Variants in LRRC49 observed in about 807,000 individuals in gnomAD.
The protein encoded by LRRC49 is leucine-rich repeat-containing protein 49.
A neutral mutation model predicts 83.3 loss-of-function variants in LRRC49; 50 were observed. The observed-to-expected ratio is 0.60, with a 90% CI of 0.48 to 0.76. The LOEUF is 0.76. Among genes scored for constraint, LRRC49 ranks in the 30% least tolerant of loss-of-function variants. The probability of loss-of-function intolerance (pLI) is 0.00; values close to 1 mark genes in which losing one functional copy is unlikely to be tolerated. For synonymous variants in LRRC49, 286 were observed against 283.3 expected (o/e 1.01, Z -0.10); for missense variants, 704 against 809.1 (o/e 0.87, Z 1.58).
intron 7 of LRRC49, among the ~76,000 whole-genome samples, chr15:70,934,790 G>T (rs935585115): frequency 1.3e-5 from 2 of 152,126 alleles, no homozygotes; most frequent in Admixed American, 6.6e-5. Context: ...ATTTTTAAAG[G>T]CTGCTACCTC....
intron 6 of LRRC49, 199 bp from the exon 7 acceptor site, chr15:70,918,851 G>C (rs1010020745): frequency 4.3e-6 from 2 of 470,304 alleles, no homozygotes; most frequent in Admixed American, 3.8e-5. Context: ...TGTAAAATAT[G>C]ATCTTTTAGC....
chr15:70,908,372 G>A (rs1321968448), intron 5 of LRRC49, among the ~76,000 whole-genome samples: 2 of 152,172 alleles, frequency 1.3e-5, no homozygotes, highest in Non-Finnish European at 2.9e-5. Flanking sequence ...TTGGAGACTA[G>A]GATTGTCAAG....
chr15:70,936,733 T>G, intron 7 of LRRC49, 28 bp from the exon 8 acceptor site: 1 of 1,464,208 alleles, frequency 6.8e-7, no homozygotes, highest in Non-Finnish European at 9.6e-7. Context: ...TTTCATCTGA[T>G]TAAGTTTTGC....
chr15:70,994,270 A>G (rs2038001407), intron 11 of LRRC49, among the ~76,000 whole-genome samples: 1 of 152,150 alleles, frequency 6.6e-6, no homozygotes, highest in South Asian at 2.1e-4. Context: ...TGCCATCTTT[A>G]TCTCATGTTA....
chr15:70,936,514 A>G (rs2035602452), intron 7 of LRRC49: 1 of 384,004 alleles, frequency 2.6e-6, no homozygotes, highest in Non-Finnish European at 4.6e-6. Flanking sequence ...GGCTAGCGGC[A>G]GCGTCTCTCC....
chr15:71,043,088 A>C (rs535965833), intron 15 of LRRC49, among the ~76,000 whole-genome samples: 2 of 152,184 alleles, frequency 1.3e-5, no homozygotes, highest in African/African-American at 4.8e-5. Flanking sequence ...TTATATGTGC[A>C]TGCCATCTCC....
chr15:70,892,736 G>C, upstream of LRRC49: 2 of 1,516,546 alleles, frequency 1.3e-6, no homozygotes, highest in Non-Finnish European at 1.8e-6. Context: ...CGACTGTGTG[G>C]CTCTATCGAT....
chr15:70,894,787 G>T, intron 2 of LRRC49: 1 of 267,902 alleles, frequency 3.7e-6, no homozygotes, highest in South Asian at 4.3e-5. Context: ...GTAAATGGAA[G>T]GACATCGTTA....
At chr15:70,962,630 C>T (rs1456585075) in intron 8 of LRRC49, among the ~76,000 whole-genome samples, 1 of 151,802 alleles carries the variant, frequency 6.6e-6, no homozygotes, top group African/African-American at 2.4e-5. Flanking sequence ...AAAAAAAATC[C>T]ACATCGATGG....
intron 7 of LRRC49, among the ~76,000 whole-genome samples, chr15:70,925,951 G>A (rs112292676): frequency 2.1e-4 from 32 of 152,178 alleles, no homozygotes; most frequent in African/African-American, 5.3e-4. Context: ...TTTCTAGTTA[G>A]TACCCTCCCC....
At chr15:70,942,053 G>C (rs1460281382) in intron 8 of LRRC49, among the ~76,000 whole-genome samples, 2 of 151,614 alleles carry the variant, frequency 1.3e-5, no homozygotes, top group Non-Finnish European at 2.9e-5. Flanking sequence ...GTGTGTGTGT[G>C]TGTGTGTGTG....
chr15:70,907,950 T>A (rs1444755469), intron 5 of LRRC49: 2 of 455,938 alleles, frequency 4.4e-6, no homozygotes, highest in Non-Finnish European at 8.8e-6. Flanking sequence ...GCCTTCTAGG[T>A]CAACTGATGC....
At chr15:70,863,793 A>G (rs376927485) in intron 1 of LRRC49, among the ~76,000 whole-genome samples, 32 of 152,352 alleles carry the variant, frequency 2.1e-4, no homozygotes, top group African/African-American at 7.2e-4. Context: ...GGGACTGTAC[A>G]TGAAAACTGA....
In LRRC49 at chr15:70,924,174, GT is replaced by G. The variant is rs1567054383; in HGVS notation, c.711+4988del. Among the ~76,000 whole-genome samples the G allele has an allele frequency of 4.0e-5, 6 of 151,896 alleles. No homozygotes were observed. In the South Asian group the frequency reaches 1.0e-3, roughly 26 times the overall value. ...AGGAATGTCAGAGAAAAGATGCTGA[GT>G]TTTTTTCAGTGTATATGAAGTATGT... On this transcript the variant is annotated intron_variant, in intron 7 of 15. Transcript: ENST00000260382.
intron 15 of LRRC49, among the ~76,000 whole-genome samples, chr15:71,044,609 C>T (rs2141309424): frequency 6.6e-6 from 1 of 152,078 alleles, no homozygotes; most frequent in South Asian, 2.1e-4. Context: ...GGCAACATGG[C>T]AAAGCCACAT....
chr15:70,961,431 A>C (rs1217225564), intron 8 of LRRC49, among the ~76,000 whole-genome samples: 1 of 152,226 alleles, frequency 6.6e-6, no homozygotes, highest in African/African-American at 2.4e-5. Context: ...ACTTATGCCC[A>C]CACAAAAAGT....
intron 7 of LRRC49, among the ~76,000 whole-genome samples, chr15:70,933,312 G>A (rs896802714): frequency 6.6e-5 from 10 of 151,608 alleles, no homozygotes; most frequent in East Asian, 1.9e-4. Flanking sequence ...AATTAATAAC[G>A]AGCTATAAAT....
intron 14 of LRRC49, among the ~76,000 whole-genome samples, chr15:71,019,620 A>T (rs1232771252): frequency 6.6e-6 from 1 of 152,220 alleles, no homozygotes; most frequent in Non-Finnish European, 1.5e-5. Context: ...CAGGTCAGAA[A>T]TAAACCTACC....
At chr15:70,894,128 T>C (rs2033719790) in intron 2 of LRRC49, among the ~76,000 whole-genome samples, 2 of 152,194 alleles carry the variant, frequency 1.3e-5, no homozygotes, top group South Asian at 4.1e-4. Context: ...GCTCCTGAGC[T>C]GAAGCAATCC....
Sources: gnomAD v4.1 joint callset for allele counts (sites outside exome capture counted in the v4.1 genomes callset) on GRCh38, gnomAD v4.1.1 for gene constraint, MANE v1.5 for transcripts, NCBI Gene and HGNC (gene_info 2026-07-23, HGNC 2026-07-21) for gene names.